The following NFIC variants were observed in gnomAD, a reference collection of about 807,000 sequenced individuals.
NFIC encodes the protein nuclear factor I C, also known as nuclear factor 1 C-type.
A neutral mutation model predicts 54.4 loss-of-function variants in NFIC; 12 were observed. The observed-to-expected ratio is 0.22, with a 90% confidence interval of 0.14 to 0.36. The LOEUF is 0.36. Ranked by LOEUF, NFIC falls within the 10% of genes least tolerant of loss-of-function variation. The pLI, the probability that NFIC is intolerant of heterozygous loss-of-function variation, is 1.00. For synonymous variants in NFIC, 322 were observed against 319.2 expected (o/e 1.01, Z -0.09); for missense variants, 575 against 718.2 (o/e 0.80, Z 2.28).
chr19:3,433,609 GC>G lies in NFIC; in HGVS notation c.709+20del. 1 of 1,612,722 alleles carries G rather than the reference GC, an allele frequency of 6.2e-7. No individual in the cohort carries two copies. The highest frequency in any genetic ancestry group is 1.3e-5 in the African/African-American group (1 of 75,022). Reference sequence around the variant, plus strand: ...TGTCCCGGAGTGAGTGTTCCCGTCAGCCCTGAGCTGGGTCTTGGAGAGGGGA... The same window carrying G: ...TGTCCCGGAGTGAGTGTTCCCGTCAGCCTGAGCTGGGTCTTGGAGAGGGGA... On this transcript the variant is annotated intron_variant, in intron 4 of 10. Coordinates refer to ENST00000443272, the MANE Select transcript of NFIC (RefSeq NM_001245002.2).
chr19:3,433,459 T>C (rs150440196), intron 3 of NFIC, 59 bp from the exon 4 acceptor site: 17 of 1,571,594 alleles, frequency 1.1e-5, no homozygotes, highest in East Asian at 2.3e-5. Flanking sequence ...AGCCCTGGAG[T>C]GTGGGGAAGG....
At chr19:3,446,228 G>A (rs768428802) in intron 6 of NFIC, among the ~76,000 whole-genome samples, 3 of 152,242 alleles carry the variant, frequency 2.0e-5, no homozygotes, top group Non-Finnish European at 2.9e-5. Context: ...GTGGATTTCA[G>A]TGTGTGCAGC....
intron 6 of NFIC, among the ~76,000 whole-genome samples, chr19:3,441,584 G>A (rs2082294400): frequency 6.6e-6 from 1 of 152,272 alleles, no homozygotes; most frequent in South Asian, 2.1e-4. Flanking sequence ...TGGCCCCTGG[G>A]CTGGAGCAGG....
chr19:3,439,592 A>C lies in NFIC; in HGVS notation c.958+4385A>C, dbSNP rs534880851. ...GGGAGGCGGAGGGTGCAGTGAGCCGAGATTGTGCCATTACACTCCAGCCTG... is the reference window on the plus strand; with the variant it reads ...GGGAGGCGGAGGGTGCAGTGAGCCGCGATTGTGCCATTACACTCCAGCCTG... On this transcript the variant is annotated intron_variant, in intron 6 of 10. Transcript: ENST00000443272. Among the ~76,000 whole-genome samples, 356 of 150,412 alleles carry C rather than the reference A, an allele frequency of 2.4e-3. 1 individual carries two copies. Among genetic ancestry groups the C allele is most frequent in the African/African-American group, 8.4e-3 (346 of 41,148 alleles).
rs143135897 is a variant in NFIC, at chr19:3,378,298, C to T, written c.31-3414C>T. Among the ~76,000 whole-genome samples, 353 of 151,554 alleles carry T rather than the reference C, an allele frequency of 2.3e-3. 1 individual carries two copies. Among genetic ancestry groups the T allele is most frequent in the African/African-American group, 8.0e-3 (332 of 41,282 alleles). ...AAAAAAAAAGGAGATGGGGTTTCGC[C>T]ATGTTGCCCAGGCTGGGATTGAACT... On this transcript the variant is annotated intron_variant, in intron 1 of 10. Transcript: ENST00000443272.
At chr19:3,431,531 G>A in intron 3 of NFIC, among the ~76,000 whole-genome samples, 1 of 151,652 alleles carries the variant, frequency 6.6e-6, no homozygotes, top group Non-Finnish European at 1.5e-5. Flanking sequence ...ACCACGCCCA[G>A]CTAATTTTTG....
At position 3,464,197 on chromosome 19, in the gene NFIC, C is replaced by T. The variant is rs1020211015; in HGVS notation, c.*1428C>T. 3 of 985,384 alleles carry T rather than the reference C, an allele frequency of 3.0e-6. No individual in the cohort carries two copies. The highest frequency in any genetic ancestry group is 1.7e-5 in the African/African-American group (1 of 57,350). The allele number at this position is 985,384 out of a possible 1,614,324, so 61.0% of individuals were successfully genotyped here. A position where few individuals can be genotyped will look rare whatever the true frequency, so the allele number is the denominator to read the frequency against. ...CCTACCCCGACGCGGGGCCCAGCTG[C>T]GGGACGTGCATCACGGCTGGGCCCC... On this transcript the variant is annotated 3_prime_UTR_variant, in exon 11 of 11. Transcript: ENST00000443272.
intron 2 of NFIC, among the ~76,000 whole-genome samples, chr19:3,384,526 T>C (rs1371712239): frequency 6.6e-6 from 1 of 152,128 alleles, no homozygotes; most frequent in African/African-American, 2.4e-5. Context: ...GTAGCTGGGC[T>C]TACAGGTGAC....
chr19:3,364,589 TAA>T (rs1408946797), upstream of NFIC, among the ~76,000 whole-genome samples: 1 of 152,178 alleles, frequency 6.6e-6, no homozygotes, highest in Non-Finnish European at 1.5e-5. Flanking sequence ...ACATGCTATG[TAA>T]AGACTCCAAC....
intron 10 of NFIC, among the ~76,000 whole-genome samples, chr19:3,461,944 C>G (rs1225192366): frequency 2.6e-5 from 4 of 151,834 alleles, no homozygotes; most frequent in African/African-American, 9.7e-5. Context: ...ATCCCAGCTA[C>G]TCGGGAGGCT....
Position 3,385,528 on chromosome 19 carries a change from G to GTTTT in NFIC, c.562+3287_562+3288insTTTT, listed in dbSNP as rs547162230. Among the ~76,000 whole-genome samples the GTTTT allele has an allele frequency of 7.4e-5, 11 of 149,272 alleles. No homozygotes were observed. In the East Asian group the frequency reaches 2.2e-3, roughly 30 times the overall value. On this transcript the variant is annotated intron_variant, in intron 2 of 10. Transcript: ENST00000443272. ...CTCTTCGGGATTGGTTTGTTTGTTT[G>GTTTT]TTATTATTGGTTTGGGTTTTTTGGG...
At position 3,396,866 on chromosome 19, in the gene NFIC, G is replaced by A. The variant is rs539565135; in HGVS notation, c.562+14623G>A. 2.0e-5 allele frequency among the ~76,000 whole-genome samples: 3 copies of A among 152,298 alleles called. No homozygotes were observed. The East Asian group carries it at 5.8e-4, about 29-fold the overall frequency. On this transcript the variant is annotated intron_variant, in intron 2 of 10. Coordinates refer to ENST00000443272, the MANE Select transcript of NFIC (RefSeq NM_001245002.2). Reference sequence around the variant, plus strand: ...AGCTACTCGGGAGGCTGAGGCAGGAGAATCGCTTGAACCCAGGAGGCAGAG... The same window carrying A: ...AGCTACTCGGGAGGCTGAGGCAGGAAAATCGCTTGAACCCAGGAGGCAGAG...
At position 3,456,533 on chromosome 19, in the gene NFIC, C is replaced by G. The variant is rs1376046329; in HGVS notation, c.1424-17C>G. 6.4e-7 allele frequency: 1 copy of G among 1,550,892 alleles called. No individual in the cohort carries two copies. The highest frequency in any genetic ancestry group is 8.7e-7 in the Non-Finnish European group (1 of 1,146,474). On this transcript the variant is annotated splice_polypyrimidine_tract_variant and intron_variant, in intron 9 of 10. Transcript: ENST00000443272. ...AACCCCTCGCTAACGGGCTCTCGGT[C>G]TCTCTCCTCCCTGCAGCCTACTCTC... is the stretch of plus-strand genomic sequence containing the variant.
chr19:3,445,178 C>A (rs777358952), intron 6 of NFIC, among the ~76,000 whole-genome samples: 1 of 152,178 alleles, frequency 6.6e-6, no homozygotes, highest in Non-Finnish European at 1.5e-5. Context: ...CATACATGCA[C>A]GCACACACAT....
intron 6 of NFIC, among the ~76,000 whole-genome samples, chr19:3,444,003 G>A (rs1397791451): frequency 1.3e-5 from 2 of 152,242 alleles, no homozygotes; most frequent in Non-Finnish European, 2.9e-5. Context: ...AGCCAGAGTG[G>A]GCCTTGGCCC....
intron 6 of NFIC, among the ~76,000 whole-genome samples, chr19:3,445,304 C>T (rs886853872): frequency 6.6e-6 from 1 of 152,244 alleles, no homozygotes; most frequent in Admixed American, 6.5e-5. Context: ...GCCACATCCT[C>T]CTGCCCTGGA....
chr19:3,402,421 T>C (rs2081573206), intron 2 of NFIC, among the ~76,000 whole-genome samples: 1 of 152,214 alleles, frequency 6.6e-6, no homozygotes, highest in African/African-American at 2.4e-5. Flanking sequence ...TTTTTCTCTC[T>C]GCTCATCCCT....
chr19:3,434,911 G>T, intron 5 of NFIC, 172 bp from the exon 6 acceptor site: 1 of 847,330 alleles, frequency 1.2e-6, no homozygotes, highest in African/African-American at 1.7e-5. Flanking sequence ...TGGACAGGTT[G>T]GAACAGGCGT....
intron 2 of NFIC, among the ~76,000 whole-genome samples, chr19:3,399,872 A>G (rs1283590392): frequency 6.6e-6 from 1 of 151,974 alleles, no homozygotes; most frequent in Non-Finnish European, 1.5e-5. Context: ...CTCCATCTCA[A>G]AAAATAAATA....
Sources: allele counts gnomAD v4.1 joint callset (sites outside exome capture counted in the v4.1 genomes callset), GRCh38; gene constraint gnomAD v4.1.1; transcripts MANE v1.5; gene names NCBI Gene and HGNC (gene_info 2026-07-23, HGNC 2026-07-21).